KLKB1: variants seen among roughly 807,000 people sequenced by gnomAD.
KLKB1 encodes plasma kallikrein.
Under a neutral mutation model 73.6 loss-of-function variants are expected in KLKB1, and 58 were observed. That is an observed-to-expected ratio of 0.79 (90% CI 0.64 to 0.98). KLKB1 has a LOEUF of 0.98. Among genes scored for constraint, KLKB1 ranks in the 50% least tolerant of loss-of-function variants. The pLI, the probability that KLKB1 is intolerant of heterozygous loss-of-function variation, is 0.00. For missense variants in KLKB1, 737 were observed against 763.8 expected, an observed-to-expected ratio of 0.96 and a Z score of 0.41; for synonymous variants, 280 against 258.1, an observed-to-expected ratio of 1.08 and a Z score of -0.81.
rs1471752947 is a variant in KLKB1, at chr4:186,251,638, T to C, written c.1020T>C (p.Cys340=). 6.2e-7 allele frequency: 1 copy of C among 1,614,012 alleles called. No individual in the cohort carries two copies. Among genetic ancestry groups the C allele is most frequent in the Non-Finnish European group, 8.5e-7 (1 of 1,179,910 alleles). The change falls in exon 9 of 15, where the codon TGT becomes TGC. Residue 340 remains cysteine (C), a synonymous_variant. Coordinates refer to ENST00000264690, the MANE Select transcript of KLKB1 (RefSeq NM_000892.5). ...CTTATTCTTTACTCCCAGAAGACTG[T>C]AAGGAAGAGAAGTAAAGGAAATTTT... The part of the protein sequence containing the change: ...FFTYSLLPED[C]KEEKCKCFLR...
intron 6 of KLKB1, among the ~76,000 whole-genome samples, chr4:186,241,223 A>G (rs1179278613): frequency 1.3e-5 from 2 of 152,148 alleles, no homozygotes; most frequent in Non-Finnish European, 2.9e-5. Flanking sequence ...TGAGATTCAT[A>G]AGTTAGGGAT....
At chr4:186,230,490 G>C (rs1170147646) in intron 2 of KLKB1, among the ~76,000 whole-genome samples, 1 of 152,178 alleles carries the variant, frequency 6.6e-6, no homozygotes, top group East Asian at 1.9e-4. Flanking sequence ...TAAAAGCTTT[G>C]AAAGCCACCA....
At chr4:186,231,167 TAAAAAA>T (rs1288080650) in intron 2 of KLKB1, among the ~76,000 whole-genome samples, 1 of 152,056 alleles carries the variant, frequency 6.6e-6, no homozygotes, top group African/African-American at 2.4e-5. Context: ...TCAAAGGCAA[TAAAAAA>T]TAGGTACTAT....
chr4:186,251,763 T>A lies in KLKB1; in HGVS notation c.1046T>A (p.Leu349Ter). ...DCKEEKCKCF[L>*]RLSMDGSPTR... ...ATTTCATCTAGGTGTAAGTGTTTCT[T>A]AAGATTATCTATGGATGGTTCTCCA... The change falls in exon 10 of 15, where the codon TTA (leucine) becomes TAA (stop). Residue 349 changes from leucine to a stop codon, truncating the protein, a stop_gained. Coordinates refer to ENST00000264690, the MANE Select transcript of KLKB1 (RefSeq NM_000892.5). LOFTEE classifies it high-confidence loss of function. The A allele has an allele frequency of 6.2e-7, 1 of 1,613,612 alleles. No individual in the cohort carries two copies. The highest frequency in any genetic ancestry group is 8.5e-7 in the Non-Finnish European group (1 of 1,179,494).
In KLKB1 at chr4:186,257,744, A is replaced by AGTGTGTGT. The variant is rs67371055; in HGVS notation, c.1726-248_1726-241dup. 7.0e-3 allele frequency among the ~76,000 whole-genome samples: 1,023 copies of AGTGTGTGT among 147,192 alleles called. 13 individuals are homozygous for AGTGTGTGT. Among genetic ancestry groups the AGTGTGTGT allele is most frequent in the African/African-American group, 0.02 (776 of 39,692 alleles). ...ACTTGGAGAACTTTAAGAAAGAGTG[A>AGTGTGTGT]GTGTGTGTGTGTGTGTGTGTGTGTG... On this transcript the variant is annotated intron_variant, in intron 14 of 14. Coordinates refer to ENST00000264690, the MANE Select transcript of KLKB1 (RefSeq NM_000892.5).
intron 2 of KLKB1, among the ~76,000 whole-genome samples, chr4:186,215,318 CTCTT>C (rs1475317775): frequency 6.8e-4 from 98 of 144,670 alleles, no homozygotes; most frequent in African/African-American, 2.4e-3. Context: ...GCCTTTCTTT[CTCTT>C]TCTTTCTCTT....
chr4:186,220,364 A>G (rs1561444383), intron 2 of KLKB1, among the ~76,000 whole-genome samples: 1 of 152,184 alleles, frequency 6.6e-6, no homozygotes. Context: ...CCGTTCTATC[A>G]ATACAGCTGC....
intron 2 of KLKB1, among the ~76,000 whole-genome samples, chr4:186,228,560 G>A (rs1579991938): frequency 6.6e-6 from 1 of 152,088 alleles, no homozygotes; most frequent in South Asian, 2.1e-4. Flanking sequence ...AAAAAAATTA[G>A]TCCTCTATTT....
upstream of KLKB1, among the ~76,000 whole-genome samples, chr4:186,227,133 G>T (rs1737194052): frequency 6.6e-6 from 1 of 152,136 alleles, no homozygotes; most frequent in African/African-American, 2.4e-5. Context: ...TCCATACTGT[G>T]CTGCCCAGGC....
rs527498602 is a variant in KLKB1 at position 186,242,451 on chromosome 4, TA to T, written c.598+4087del. Among the ~76,000 whole-genome samples, 522 of 152,152 alleles carry T rather than the reference TA, an allele frequency of 3.4e-3. 3 individuals are homozygous for T. Among genetic ancestry groups the T allele is most frequent in the African/African-American group, 0.012 (493 of 41,518 alleles). On this transcript the variant is annotated intron_variant, in intron 6 of 14. Transcript: ENST00000264690. ...TTCTCAGGGCTGCTTCGAGCGGGAT[TA>T]GGGGCGGCGTGGGAACCTACAGTGG...
intron 2 of KLKB1, among the ~76,000 whole-genome samples, chr4:186,220,581 T>C (rs116187203): frequency 0.017 from 2,535 of 152,330 alleles, 30 homozygotes; most frequent in Non-Finnish European, 0.027. Flanking sequence ...GATGATCATA[T>C]GATTTTTATC....
intron 4 of KLKB1, 33 bp from the exon 5 acceptor site, chr4:186,236,748 A>T (rs1737711299): frequency 6.2e-7 from 1 of 1,610,374 alleles, no homozygotes; most frequent in Non-Finnish European, 8.5e-7. Context: ...AAGAAAATGG[A>T]CTGTATTTGC....
intron 6 of KLKB1, among the ~76,000 whole-genome samples, chr4:186,242,114 T>C (rs13126698): frequency 0.094 from 14,080 of 150,094 alleles, 862 homozygotes; most frequent in South Asian, 0.21. Flanking sequence ...TAGTGGAAAA[T>C]TACAGTCAAA....
chr4:186,220,589 A>G (rs1001930753), intron 2 of KLKB1, among the ~76,000 whole-genome samples: 2 of 152,072 alleles, frequency 1.3e-5, no homozygotes, highest in African/African-American at 4.8e-5. Context: ...TATGATTTTT[A>G]TCCTTCATTT....
upstream of KLKB1, among the ~76,000 whole-genome samples, chr4:186,223,655 C>T (rs1561445447): frequency 6.6e-6 from 1 of 152,102 alleles, no homozygotes; most frequent in Non-Finnish European, 1.5e-5. Flanking sequence ...TGAAAGCATA[C>T]AGTCAAGTCA....
At chr4:186,247,371 G>T (rs1488027844) in intron 6 of KLKB1, among the ~76,000 whole-genome samples, 1 of 150,564 alleles carries the variant, frequency 6.6e-6, no homozygotes, top group African/African-American at 2.4e-5. Context: ...GTAGGTAGTG[G>T]AAAATTACAG....
intron 2 of KLKB1, among the ~76,000 whole-genome samples, chr4:186,215,132 T>G (rs1171512356): frequency 6.6e-6 from 1 of 152,136 alleles, no homozygotes; most frequent in African/African-American, 2.4e-5. Context: ...ATAGATCTTA[T>G]CGGGAAGAAA....
At chr4:186,244,635 T>A (rs1330000821) in intron 6 of KLKB1, among the ~76,000 whole-genome samples, 1 of 149,816 alleles carries the variant, frequency 6.7e-6, no homozygotes, top group Admixed American at 6.7e-5. Context: ...GAGGGAGGTA[T>A]TGAGGATAGG....
At chr4:186,238,391 T>C (rs775169803) in intron 6 of KLKB1, 26 bp downstream of exon 6, 1 of 1,496,522 alleles carries the variant, frequency 6.7e-7, no homozygotes, top group Non-Finnish European at 9.3e-7. Context: ...CTTCACTTTG[T>C]GATTGTGGTA....
Sources: gnomAD v4.1 joint callset for allele counts (sites outside exome capture counted in the v4.1 genomes callset) on GRCh38, gnomAD v4.1.1 for gene constraint, MANE v1.5 for transcripts, NCBI Gene and HGNC (gene_info 2026-07-23, HGNC 2026-07-21) for gene names.